Variants in RAP1GAP2 observed in about 807,000 individuals in gnomAD.
The protein encoded by RAP1GAP2 is rap1 GTPase-activating protein 2.
Under a neutral mutation model 95.0 loss-of-function variants are expected in RAP1GAP2, and 27 were observed. That is an observed-to-expected ratio of 0.28 (90% confidence interval 0.21 to 0.39). The LOEUF is 0.39. Among genes scored for constraint, RAP1GAP2 ranks in the 10% least tolerant of loss-of-function variants. The pLI is 1.00. For synonymous variants in RAP1GAP2, 373 were observed against 380.9 expected (o/e 0.98, Z 0.24); for missense variants, 771 against 970.0 (o/e 0.79, Z 2.72).
chr17:2,929,003 G>A (rs1047845975), intron 3 of RAP1GAP2, among the ~76,000 whole-genome samples: 3 of 152,156 alleles, frequency 2.0e-5, no homozygotes, highest in African/African-American at 7.2e-5. Flanking sequence ...GGAAGCCGAG[G>A]CAGGACAATT....
intron 2 of RAP1GAP2, among the ~76,000 whole-genome samples, chr17:2,808,724 G>C (rs1029858818): frequency 3.3e-5 from 5 of 152,326 alleles, no homozygotes; most frequent in South Asian, 4.1e-4. Context: ...GCCCATTTCT[G>C]TCTTGAGTGG....
At chr17:2,756,674 T>G (rs1409900387) in intron 1 of RAP1GAP2, among the ~76,000 whole-genome samples, 1 of 152,152 alleles carries the variant, frequency 6.6e-6, no homozygotes, top group Non-Finnish European at 1.5e-5. Flanking sequence ...AGAGCACCTC[T>G]GAAGGTACAT....
rs958833787 is a variant in RAP1GAP2 at position 2,857,091 on chromosome 17, T to A, written c.81-48193T>A. 2.6e-5 allele frequency among the ~76,000 whole-genome samples: 4 copies of A among 152,236 alleles called. No individual in the cohort carries two copies. The highest frequency in any genetic ancestry group is 9.6e-5 in the African/African-American group (4 of 41,466). ...ACTCCATGCTGGGCGTTACATTTGA[T>A]GAGCTCTTCCTTCCACCACCTCTCA... On this transcript the variant is annotated intron_variant, in intron 2 of 24. Coordinates refer to ENST00000254695, the MANE Select transcript of RAP1GAP2 (RefSeq NM_015085.5). This position sits in a 1 kb window ranked among gnomAD's most constrained non-coding sequence, Gnocchi z 4.0.
intron 11 of RAP1GAP2, among the ~76,000 whole-genome samples, chr17:2,988,208 C>CAA (rs34528475): frequency 7.4e-6 from 1 of 135,926 alleles, no homozygotes; most frequent in Non-Finnish European, 1.6e-5. Context: ...AACTCCATCT[C>CAA]AAAAAAAAAA....
At chr17:2,803,553 A>G (rs1016788740) in intron 2 of RAP1GAP2, among the ~76,000 whole-genome samples, 4 of 152,194 alleles carry the variant, frequency 2.6e-5, no homozygotes, top group Non-Finnish European at 4.4e-5. Context: ...AAAAAGGAGA[A>G]CAAAGTTGGT....
chr17:2,918,969 A>G (rs1439825081), intron 3 of RAP1GAP2, among the ~76,000 whole-genome samples: 3 of 152,216 alleles, frequency 2.0e-5, no homozygotes. Context: ...AAATGTGCGG[A>G]GAATAGCAAT....
chr17:3,026,450 G>A lies in RAP1GAP2; in HGVS notation c.1966G>A (p.Glu656Lys). Residue 656 changes from glutamate to lysine, a missense_variant, in exon 21 of 25, where the codon GAG becomes AAG. Glu to Lys is a moderately conservative substitution (Grantham distance 56). Transcript: ENST00000254695. ...STAGEGEAMEEGDSGGSQPST... is the reference protein window; with the variant it reads ...STAGEGEAMEKGDSGGSQPST... ...TGCAGGGGAGGGCGAGGCCATGGAG[G>A]AGGGCGACAGTGGGGTAGGTGTGCC... 6.4e-7 allele frequency: 1 copy of A among 1,550,766 alleles called. No individual in the cohort carries two copies. The highest frequency in any genetic ancestry group is 8.7e-7 in the Non-Finnish European group (1 of 1,146,740).
chr17:2,982,312 T>G (rs1438343084), intron 10 of RAP1GAP2, among the ~76,000 whole-genome samples: 1 of 152,190 alleles, frequency 6.6e-6, no homozygotes, highest in Non-Finnish European at 1.5e-5. Context: ...CTAATTTTTG[T>G]ATTTTTAGTA....
chr17:2,908,125 C>T (rs1323036727), intron 3 of RAP1GAP2, among the ~76,000 whole-genome samples: 2 of 152,140 alleles, frequency 1.3e-5, no homozygotes, highest in Non-Finnish European at 2.9e-5. Flanking sequence ...ATTTTACCGT[C>T]ATTTTCCGGT....
intron 14 of RAP1GAP2, among the ~76,000 whole-genome samples, chr17:3,002,728 G>A (rs568757044): frequency 8.3e-4 from 127 of 152,302 alleles, no homozygotes; most frequent in African/African-American, 2.9e-3. Flanking sequence ...TTCTGTCCAC[G>A]GAGGGGCCGG....
rs3035074 is a variant in RAP1GAP2 at position 2,950,605 on chromosome 17, ATTTTTTTTTTTT to A, written c.166-7142_166-7131del. ...CTGAAGTCAGGAACTATTTGCTTCAATTTTTTTTTTTTTTTTTTTTTTTGAGACAGAGTCTTG... is the reference window on the plus strand; with the variant it reads ...CTGAAGTCAGGAACTATTTGCTTCAATTTTTTTTTTTGAGACAGAGTCTTG... On this transcript the variant is annotated intron_variant, in intron 3 of 24. Coordinates refer to ENST00000254695, the MANE Select transcript of RAP1GAP2 (RefSeq NM_015085.5). Among the ~76,000 whole-genome samples, 11 of 78,056 alleles carry A rather than the reference ATTTTTTTTTTTT, an allele frequency of 1.4e-4. No individual in the cohort carries two copies. The East Asian group carries it at 3.6e-3, about 26-fold the overall frequency. The allele number at this position is 78,056 out of a possible 152,430, so 51.2% of individuals were successfully genotyped here.
At chr17:2,973,078 G>C (rs1384236567) in intron 8 of RAP1GAP2, among the ~76,000 whole-genome samples, 1 of 152,140 alleles carries the variant, frequency 6.6e-6, no homozygotes, top group Non-Finnish European at 1.5e-5. Context: ...GTGTCTGAGT[G>C]TGTGTAGGGT....
At chr17:2,887,265 C>G (rs1281253493) in intron 2 of RAP1GAP2, among the ~76,000 whole-genome samples, 1 of 151,846 alleles carries the variant, frequency 6.6e-6, no homozygotes, top group Non-Finnish European at 1.5e-5. Context: ...CCCATATTGC[C>G]CAGGCTGGTC....
At chr17:2,974,741 T>C (rs1049572688) in intron 8 of RAP1GAP2, among the ~76,000 whole-genome samples, 4 of 151,736 alleles carry the variant, frequency 2.6e-5, no homozygotes, top group African/African-American at 9.7e-5. Context: ...GAGAATACAA[T>C]CTTAGAGTTT....
intron 11 of RAP1GAP2, 77 bp downstream of exon 11, chr17:2,985,143 A>G: frequency 2.5e-6 from 4 of 1,594,986 alleles, no homozygotes; most frequent in South Asian, 1.1e-5. Flanking sequence ...CACCCAGAAC[A>G]CAGGAGTCCT....
At chr17:2,970,207 C>G (rs12325769) in intron 8 of RAP1GAP2, among the ~76,000 whole-genome samples, 85,205 of 147,852 alleles carry the variant, frequency 0.58, 24,639 homozygotes, top group East Asian at 0.73. Flanking sequence ...CCGGGATGCG[C>G]AGGTTGCAGT....
chr17:2,905,181 C>A, intron 2 of RAP1GAP2, 103 bp from the exon 3 acceptor site: 2 of 1,087,810 alleles, frequency 1.8e-6, no homozygotes, highest in Non-Finnish European at 2.7e-6. Context: ...CCCAACCCAG[C>A]CTGCATTGTA....
intron 2 of RAP1GAP2, among the ~76,000 whole-genome samples, chr17:2,817,617 T>C (rs1196650343): frequency 1.7e-5 from 2 of 116,574 alleles, no homozygotes; most frequent in African/African-American, 5.7e-5. Context: ...GCCTCCCTGG[T>C]TCAAGTGATT....
intron 3 of RAP1GAP2, among the ~76,000 whole-genome samples, chr17:2,956,314 C>T (rs899658680): frequency 2.6e-5 from 4 of 152,202 alleles, no homozygotes; most frequent in African/African-American, 4.8e-5. Flanking sequence ...GCTGGTAGGT[C>T]GGAGCTTTTT....
Sources: gnomAD v4.1 joint callset for allele counts (sites outside exome capture counted in the v4.1 genomes callset) on GRCh38, gnomAD v4.1.1 for gene constraint, Gnocchi (gnomAD v3.1) non-coding constraint, MANE v1.5 for transcripts, NCBI Gene and HGNC (gene_info 2026-07-23, HGNC 2026-07-21) for gene names.